The following GLI3 variants were observed in gnomAD, a reference collection of about 807,000 sequenced individuals.
GLI3 encodes GLI family zinc finger 3.
GLI3 carries 20 observed loss-of-function variants against 100.8 expected under a neutral mutation model. The ratio of observed to expected loss-of-function variants is 0.20; its 90% CI spans 0.14 to 0.29. GLI3 has a LOEUF of 0.29. Among genes scored for constraint, GLI3 ranks in the 10% least tolerant of loss-of-function variants. The pLI, the probability that GLI3 is intolerant of heterozygous loss-of-function variation, is 1.00. For missense variants in GLI3, 2,040 were observed against 2,128.5 expected (o/e 0.96, Z 0.82); for synonymous variants, 938 against 860.5 (o/e 1.09, Z -1.58).
rs369055909 is a variant in GLI3 at position 42,144,516 on chromosome 7, C to T, written c.367+3710G>A. 2.8e-4 allele frequency among the ~76,000 whole-genome samples: 42 copies of T among 152,164 alleles called. 1 individual carries two copies. In the East Asian group the frequency reaches 5.4e-3, roughly 20 times the overall value. Reference sequence around the variant, plus strand: ...CATATGCTGTGAATGTTTGAAGTGCCCGCTGTCCCTGAGTTTTCTTTTTTC... The same window carrying T: ...CATATGCTGTGAATGTTTGAAGTGCTCGCTGTCCCTGAGTTTTCTTTTTTC... On this transcript the variant is annotated intron_variant, in intron 3 of 14. Transcript: ENST00000395925.
At chr7:42,011,195 G>A (rs995565152) in intron 10 of GLI3, among the ~76,000 whole-genome samples, 7 of 152,184 alleles carry the variant, frequency 4.6e-5, no homozygotes, top group Non-Finnish European at 1.5e-5. Context: ...AGATAGCAGT[G>A]TCATAGAGCA....
chr7:42,065,716 A>G (rs565635307), intron 4 of GLI3, among the ~76,000 whole-genome samples: 1 of 152,212 alleles, frequency 6.6e-6, no homozygotes, highest in East Asian at 1.9e-4. Context: ...TTTAACTCAA[A>G]TGGAGCTAGT....
intron 4 of GLI3, among the ~76,000 whole-genome samples, chr7:42,069,398 A>G (rs908044432): frequency 1.3e-5 from 2 of 152,236 alleles, no homozygotes; most frequent in Non-Finnish European, 2.9e-5. Flanking sequence ...TTAAAAGTTT[A>G]GGAATTGAAA....
chr7:42,062,201 T>A (rs1470360627), intron 4 of GLI3, among the ~76,000 whole-genome samples: 1 of 152,116 alleles, frequency 6.6e-6, no homozygotes, highest in African/African-American at 2.4e-5. Context: ...TAAGGCCCCA[T>A]TTGTTCCTAA....
At chr7:42,131,329 C>G (rs1786270131) in intron 3 of GLI3, among the ~76,000 whole-genome samples, 1 of 152,000 alleles carries the variant, frequency 6.6e-6, no homozygotes. Context: ...GGATGTAAGA[C>G]TATTGTAAAG....
chr7:42,014,518 G>T (rs1450397352), intron 10 of GLI3, among the ~76,000 whole-genome samples: 1 of 152,134 alleles, frequency 6.6e-6, no homozygotes, highest in East Asian at 1.9e-4. Context: ...ACTTCTTCCT[G>T]CTGTCTTCTC....
intron 3 of GLI3, among the ~76,000 whole-genome samples, chr7:42,098,174 T>A (rs117880165): frequency 6.6e-6 from 1 of 151,956 alleles, no homozygotes; most frequent in African/African-American, 2.4e-5. Flanking sequence ...TCAGTGGCTG[T>A]GGGAAGGCAG....
At chr7:41,984,342 C>T (rs1192231989) in intron 10 of GLI3, among the ~76,000 whole-genome samples, 2 of 152,140 alleles carry the variant, frequency 1.3e-5, no homozygotes, top group African/African-American at 4.8e-5. Context: ...CGCAGCTCTC[C>T]AAATAAAGCC....
intron 10 of GLI3, among the ~76,000 whole-genome samples, chr7:42,012,496 A>C (rs1788645419): frequency 6.6e-6 from 1 of 152,174 alleles, no homozygotes; most frequent in South Asian, 2.1e-4. Flanking sequence ...AAGCAATTTC[A>C]CAAATCAGTA....
Position 42,124,290 on chromosome 7 carries a change from G to A in GLI3, c.367+23936C>T, listed in dbSNP as rs971307706. 2.0e-5 allele frequency among the ~76,000 whole-genome samples: 3 copies of A among 152,146 alleles called. No individual in the cohort carries two copies. In the South Asian group the frequency reaches 6.2e-4, roughly 32 times the overall value. ...TTTTCCCTGACTAAACTGACTACAG[G>A]AGCTTAGCTTGTTTCTGCTGTTATT... On this transcript the variant is annotated intron_variant, in intron 3 of 14. Coordinates refer to ENST00000395925, the MANE Select transcript of GLI3 (RefSeq NM_000168.6).
At chr7:42,252,392 T>C (rs1789041940) in intron 1 of GLI3, among the ~76,000 whole-genome samples, 1 of 152,156 alleles carries the variant, frequency 6.6e-6, no homozygotes, top group Non-Finnish European at 1.5e-5. Flanking sequence ...CTAGGCTTAG[T>C]ACCTGGGTGA....
chr7:42,012,859 T>G (rs1022644056), intron 10 of GLI3, among the ~76,000 whole-genome samples: 10 of 152,178 alleles, frequency 6.6e-5, no homozygotes, highest in Non-Finnish European at 1.5e-4. Context: ...CAGAGGAACC[T>G]GTGCAAACTC....
At chr7:42,055,413 C>T (rs139612893) in intron 4 of GLI3, among the ~76,000 whole-genome samples, 58 of 152,120 alleles carry the variant, frequency 3.8e-4, no homozygotes, top group Middle Eastern at 6.8e-3. Flanking sequence ...GCCTTCCCTC[C>T]GGTTTCCACT....
intron 3 of GLI3, chr7:42,118,223 T>C: frequency 2.5e-6 from 1 of 398,460 alleles, no homozygotes; most frequent in Non-Finnish European, 4.4e-6. Context: ...TTTCTTAATG[T>C]GCATGTTAAG....
At chr7:42,188,771 T>C (rs1428812974) in intron 2 of GLI3, among the ~76,000 whole-genome samples, 1 of 152,158 alleles carries the variant, frequency 6.6e-6, no homozygotes, top group Non-Finnish European at 1.5e-5. Flanking sequence ...TCCAAATATA[T>C]GGCACTCTGG....
chr7:42,246,069 C>G (rs1179608424), intron 1 of GLI3, among the ~76,000 whole-genome samples: 2 of 152,166 alleles, frequency 1.3e-5, no homozygotes, highest in Admixed American at 6.5e-5. Context: ...CAGAGGCCCA[C>G]TGCAGGAAAC....
rs763293070 is a variant in GLI3 at position 42,045,530 on chromosome 7, G to A, written c.680C>T (p.Ala227Val). The A allele has an allele frequency of 1.1e-5, 18 of 1,613,674 alleles. No individual in the cohort carries two copies. The highest frequency in any genetic ancestry group is 3.3e-5 in the Admixed American group (2 of 60,000). Residue 227 changes from alanine to valine, a missense_variant and splice_region_variant, in exon 6 of 15, where the codon GCG (alanine) becomes GTG (valine). Transcript: ENST00000395925. The stretch of plus-strand genomic sequence containing the variant: ...TGCTGGGCTGACTCCTGCATGGGGC[G>A]CTAGGAGGAGACAAGAGATGTATGG... ...SATRGLSPTD[A>V]PHAGVSPAEY... is the part of the protein sequence containing the mutation.
chr7:42,169,766 A>G (rs545333038), intron 2 of GLI3, among the ~76,000 whole-genome samples: 3 of 88,600 alleles, frequency 3.4e-5, no homozygotes, highest in African/African-American at 1.2e-4. Context: ...AAGAGAAGCA[A>G]AGAGAAAAGA....
chr7:42,034,008 T>C (rs1368370857), intron 7 of GLI3, among the ~76,000 whole-genome samples: 1 of 152,158 alleles, frequency 6.6e-6, no homozygotes, highest in Non-Finnish European at 1.5e-5. Context: ...ATGAAACTGA[T>C]CTAAAAAGCT....
Sources: allele counts gnomAD v4.1 joint callset (sites outside exome capture counted in the v4.1 genomes callset), GRCh38; gene constraint gnomAD v4.1.1; transcripts MANE v1.5; gene names NCBI Gene and HGNC (gene_info 2026-07-23, HGNC 2026-07-21).